The following PHC2 variants were observed in gnomAD, a reference collection of about 807,000 sequenced individuals.
PHC2 encodes the protein polyhomeotic-like protein 2.
Under a neutral mutation model 87.4 loss-of-function variants are expected in PHC2, and 29 were observed. The ratio of observed to expected loss-of-function variants is 0.33; its 90% CI spans 0.25 to 0.45. PHC2 has a LOEUF of 0.45. Among genes scored for constraint, PHC2 ranks in the 20% least tolerant of loss-of-function variants. The probability of loss-of-function intolerance (pLI) is 1.00; values close to 1 mark genes in which losing one functional copy is unlikely to be tolerated. For missense variants in PHC2, 857 were observed against 1,136.7 expected, an observed-to-expected ratio of 0.75 and a Z score of 3.54; for synonymous variants, 438 against 461.7, an observed-to-expected ratio of 0.95 and a Z score of 0.66.
intron 7 of PHC2, among the ~76,000 whole-genome samples, chr1:33,359,568 T>C (rs1647156892): frequency 6.6e-6 from 1 of 152,170 alleles, no homozygotes; most frequent in Non-Finnish European, 1.5e-5. Context: ...CACCAAGTAC[T>C]ATGGTTGGTA....
intron 14 of PHC2, chr1:33,325,924 A>G: frequency 2.2e-6 from 1 of 456,672 alleles, no homozygotes; most frequent in Non-Finnish European, 4.4e-6. Context: ...GACTGTATAT[A>G]GAAGTCTCAT....
At chr1:33,345,379 A>G (rs1646827037) in intron 9 of PHC2, 2 of 196,888 alleles carry the variant, frequency 1.0e-5, no homozygotes, top group Non-Finnish European at 1.8e-5. Context: ...AACAGCAGTC[A>G]TGTCTTTACC....
In PHC2 at chr1:33,414,840, G is replaced by C. The variant is rs535930325; in HGVS notation, c.-55+16136C>G. 2.6e-5 allele frequency among the ~76,000 whole-genome samples: 4 copies of C among 152,246 alleles called. No individual in the cohort carries two copies. In the East Asian group the frequency reaches 7.7e-4, roughly 29 times the overall value. On this transcript the variant is annotated intron_variant, in intron 1 of 14. Coordinates refer to ENST00000683057, the MANE Select transcript of PHC2 (RefSeq NM_001385109.1). ...AAATGACAGAATTTCTTTAAAGAAAGGAATCTACTAGTAGTCAATATGTAA... is the reference window on the plus strand; with the variant it reads ...AAATGACAGAATTTCTTTAAAGAAACGAATCTACTAGTAGTCAATATGTAA...
At chr1:33,356,253 A>ATATATATATATATATATATATG (rs1553185637) in intron 7 of PHC2, among the ~76,000 whole-genome samples, 510 of 50,596 alleles carry the variant, frequency 0.01, 10 homozygotes, top group Non-Finnish European at 0.015. Context: ...AAATTCTTAT[A>ATATATATATATATATATATATG]TATATATATA....
chr1:33,333,905 C>T lies in PHC2; in HGVS notation c.1761+185G>A, dbSNP rs1346493609. The T allele has an allele frequency of 1.7e-5, 10 of 594,582 alleles. No individual in the cohort carries two copies. The East Asian group carries it at 1.8e-4, about 11-fold the overall frequency. 36.8% of individuals were successfully genotyped at this position (594,582 alleles called of 1,614,324 possible). ...GTCAATTATTCCTGATCACTGACCC[C>T]CCTCTTCTGGACCTTGGAAAGATAA... On this transcript the variant is annotated intron_variant, in intron 10 of 14. Transcript: ENST00000683057.
At chr1:33,346,891 G>C in intron 9 of PHC2, 3 of 985,422 alleles carry the variant, frequency 3.0e-6, no homozygotes, top group Non-Finnish European at 3.6e-6. Flanking sequence ...CTAATTCTGA[G>C]ACAATAATCA....
In PHC2 at chr1:33,349,839, C is replaced by T; in HGVS notation, c.1558+4562G>A. ...CCGGGGCGGGAGCGCGGGCGGCGGC[C>T]GGGGTTGCGCGCGCGCGCGCGGCGG... On this transcript the variant is annotated intron_variant, in intron 9 of 14. Transcript: ENST00000683057. The surrounding 1 kb of genome is among the most constrained non-coding windows in gnomAD (Gnocchi z 4.2). The T allele has an allele frequency of 1.0e-6, 1 of 975,684 alleles. No homozygotes were observed. The highest frequency in any genetic ancestry group is 5.3e-4 in the Middle Eastern group (1 of 1,902). 60.4% of individuals were successfully genotyped at this position (975,684 alleles called of 1,614,324 possible).
intron 1 of PHC2, among the ~76,000 whole-genome samples, chr1:33,396,038 C>T (rs1002573773): frequency 6.6e-6 from 1 of 152,120 alleles, no homozygotes; most frequent in Non-Finnish European, 1.5e-5. Flanking sequence ...TTAGGACAGT[C>T]GTGGAAATTT....
chr1:33,354,328 A>G (rs1647027319), intron 9 of PHC2, 73 bp downstream of exon 9: 2 of 1,398,200 alleles, frequency 1.4e-6, no homozygotes, highest in East Asian at 2.3e-5. Flanking sequence ...CAGATGCCCA[A>G]GTGAAATGTG....
chr1:33,375,211 G>GT (rs1166637237), intron 2 of PHC2, among the ~76,000 whole-genome samples, 155 bp downstream of exon 2: 1 of 152,158 alleles, frequency 6.6e-6, no homozygotes, highest in Admixed American at 6.5e-5. Context: ...TTCACCCCCT[G>GT]TAACTATACA....
intron 2 of PHC2, among the ~76,000 whole-genome samples, chr1:33,373,543 G>C (rs1647987163): frequency 6.6e-6 from 1 of 152,028 alleles, no homozygotes. Flanking sequence ...CTCCTGGAAA[G>C]GACAAAAGGC....
At chr1:33,341,667 A>T (rs1646747847) in intron 9 of PHC2, among the ~76,000 whole-genome samples, 1 of 152,252 alleles carries the variant, frequency 6.6e-6, no homozygotes, top group Admixed American at 6.5e-5. Context: ...GTCAGTTGTT[A>T]AGATGACCCA....
At chr1:33,418,145 T>C (rs72658302) in intron 1 of PHC2, among the ~76,000 whole-genome samples, 15,224 of 152,106 alleles carry the variant, frequency 0.1, 1,053 homozygotes, top group East Asian at 0.28. Context: ...TCTCAAATCA[T>C]TAACCTCAGC....
intron 1 of PHC2, among the ~76,000 whole-genome samples, chr1:33,404,136 T>C (rs1649657498): frequency 6.6e-6 from 1 of 152,172 alleles, no homozygotes; most frequent in Non-Finnish European, 1.5e-5. Flanking sequence ...TTTTAACCTG[T>C]TAAAATTGAA....
chr1:33,422,092 A>G (rs76758387), intron 1 of PHC2, among the ~76,000 whole-genome samples: 1,815 of 152,194 alleles, frequency 0.012, 35 homozygotes, highest in African/African-American at 0.042. Context: ...AGGTCCCCCC[A>G]TATGTGTTCT....
At chr1:33,406,352 A>C (rs1033497599) in intron 1 of PHC2, among the ~76,000 whole-genome samples, 1 of 151,938 alleles carries the variant, frequency 6.6e-6, no homozygotes, top group African/African-American at 2.4e-5. Flanking sequence ...TTCATTTTTA[A>C]CTTTCTGTTT....
At chr1:33,391,463 G>A (rs1018448274) in intron 1 of PHC2, among the ~76,000 whole-genome samples, 2 of 152,106 alleles carry the variant, frequency 1.3e-5, no homozygotes, top group Non-Finnish European at 2.9e-5. Flanking sequence ...CAGGAGCTTT[G>A]AGCCTTGTTA....
Position 33,355,240 on chromosome 1 carries a change from C to T in PHC2, c.990G>A (p.Leu330=), listed in dbSNP as rs1288723436. The T allele has an allele frequency of 1.3e-6, 2 of 1,578,038 alleles. No individual in the cohort carries two copies. Among genetic ancestry groups the T allele is most frequent in the East Asian group, 2.2e-5 (1 of 44,520 alleles). Residue 330 remains leucine (L), a synonymous_variant, in exon 8 of 15, where the codon CTG becomes CTA. Coordinates refer to ENST00000683057, the MANE Select transcript of PHC2 (RefSeq NM_001385109.1). The part of the protein sequence containing the change: ...HPLIAPAYAQ[L]QPHQLLPQPS... ...GCTGTGGGAGGAGCTGGTGTGGCTGCAGCTGAGCATAGGCTGAAAGGGGAA... is the reference window on the plus strand; with the variant it reads ...GCTGTGGGAGGAGCTGGTGTGGCTGTAGCTGAGCATAGGCTGAAAGGGGAA...
intron 1 of PHC2, among the ~76,000 whole-genome samples, chr1:33,419,185 T>C (rs745783770): frequency 1.3e-5 from 2 of 152,232 alleles, no homozygotes; most frequent in East Asian, 3.8e-4. Flanking sequence ...TTGCCGAAAT[T>C]ATTATTATAC....
Sources: gnomAD v4.1 joint callset for allele counts (sites outside exome capture counted in the v4.1 genomes callset) on GRCh38, gnomAD v4.1.1 for gene constraint, Gnocchi (gnomAD v3.1) non-coding constraint, MANE v1.5 for transcripts, NCBI Gene and HGNC (gene_info 2026-07-23, HGNC 2026-07-21) for gene names.